Variants in NRXN3 observed in about 807,000 individuals in gnomAD.
The protein encoded by NRXN3 is neurexin III.
Under a neutral mutation model 137.6 loss-of-function variants are expected in NRXN3, and 32 were observed. The observed-to-expected ratio is 0.23, with a 90% CI of 0.18 to 0.31. The LOEUF (loss-of-function observed/expected upper bound fraction) is 0.31, where lower values mean the gene tolerates loss of function less well. Ranked by LOEUF, NRXN3 falls within the 10% of genes least tolerant of loss-of-function variation. The pLI is 1.00. For synonymous variants in NRXN3, 798 were observed against 784.5 expected, an observed-to-expected ratio of 1.02 and a Z score of -0.29; for missense variants, 1,574 against 2,062.5, an observed-to-expected ratio of 0.76 and a Z score of 4.59.
At chr14:78,504,748 C>T (rs1050875219) in intron 4 of NRXN3, among the ~76,000 whole-genome samples, 19 of 152,060 alleles carry the variant, frequency 1.2e-4, no homozygotes, top group African/African-American at 4.6e-4. Context: ...TTGCGAAGTT[C>T]CCACTATGTG....
At chr14:79,788,333 C>T (rs2140240750) in intron 19 of NRXN3, among the ~76,000 whole-genome samples, 1 of 152,304 alleles carries the variant, frequency 6.6e-6, no homozygotes, top group Non-Finnish European at 1.5e-5. Flanking sequence ...TATCACCCGT[C>T]TTACCCAATT....
chr14:79,018,221 C>T (rs1006607992), intron 15 of NRXN3, among the ~76,000 whole-genome samples: 11 of 126,090 alleles, frequency 8.7e-5, no homozygotes, highest in East Asian at 2.7e-4. Context: ...GATCATGCCA[C>T]GGCACTCCAG....
intron 4 of NRXN3, among the ~76,000 whole-genome samples, chr14:78,458,108 A>G (rs2094804014): frequency 6.6e-6 from 1 of 152,198 alleles, no homozygotes. Context: ...ACTATCCTGG[A>G]ATGTCTCTGG....
At chr14:79,499,013 C>G (rs1053438435) in intron 16 of NRXN3, among the ~76,000 whole-genome samples, 1 of 152,158 alleles carries the variant, frequency 6.6e-6, no homozygotes, top group Non-Finnish European at 1.5e-5. Flanking sequence ...TTGAATTCCT[C>G]TTTCTAGTTT....
At chr14:78,624,770 C>A (rs142225743) in intron 4 of NRXN3, among the ~76,000 whole-genome samples, 114 of 152,162 alleles carry the variant, frequency 7.5e-4, no homozygotes, top group Admixed American at 2.8e-3. Flanking sequence ...GCTTTGTAAC[C>A]CAGTCCCACG....
intron 19 of NRXN3, among the ~76,000 whole-genome samples, chr14:79,791,838 T>G (rs12431745): frequency 0.26 from 40,116 of 152,030 alleles, 5,885 homozygotes; most frequent in Admixed American, 0.37. Flanking sequence ...CATGGCCACT[T>G]TTAGTTGCAA....
intron 15 of NRXN3, among the ~76,000 whole-genome samples, chr14:79,260,219 T>C (rs910635049): frequency 6.6e-6 from 1 of 152,164 alleles, no homozygotes; most frequent in African/African-American, 2.4e-5. Flanking sequence ...TTAAAACATA[T>C]CCATATCTAT....
chr14:78,191,685 G>A (rs565109140), intron 1 of NRXN3, among the ~76,000 whole-genome samples: 39 of 152,288 alleles, frequency 2.6e-4, no homozygotes, highest in African/African-American at 9.1e-4. Flanking sequence ...GATGGAGGTG[G>A]GAATGTGGGA....
chr14:79,623,808 T>G lies in NRXN3; in HGVS notation c.3445-39970T>G, dbSNP rs553273169. On this transcript the variant is annotated intron_variant, in intron 16 of 20. Transcript: ENST00000335750. ...ACTTAGAATTTACATTTTTTTAATA[T>G]TCTAGAAACCATGAAAGAAATCACT... is the stretch of plus-strand genomic sequence containing the variant. Among the ~76,000 whole-genome samples, 10 of 151,588 alleles carry G rather than the reference T, an allele frequency of 6.6e-5. No individual in the cohort carries two copies. In the East Asian group the frequency reaches 1.4e-3, roughly 21 times the overall value.
At chr14:78,973,731 C>G (rs1001650801) in intron 14 of NRXN3, among the ~76,000 whole-genome samples, 2 of 152,102 alleles carry the variant, frequency 1.3e-5, no homozygotes, top group African/African-American at 4.8e-5. Flanking sequence ...GCTGCTATGT[C>G]TCAGAATAAC....
intron 15 of NRXN3, among the ~76,000 whole-genome samples, chr14:79,358,553 C>G (rs1312137683): frequency 4.8e-4 from 49 of 101,102 alleles, no homozygotes; most frequent in Non-Finnish European, 3.6e-4. Flanking sequence ...CAGCCTGACT[C>G]TGTCTCAAAA....
intron 15 of NRXN3, among the ~76,000 whole-genome samples, chr14:79,080,944 T>G (rs956030246): frequency 1.3e-5 from 2 of 152,194 alleles, no homozygotes; most frequent in African/African-American, 4.8e-5. Context: ...TGGTTTATCT[T>G]CTTATCCCTC....
chr14:78,302,707 A>G (rs913786219), intron 4 of NRXN3, among the ~76,000 whole-genome samples: 2 of 152,180 alleles, frequency 1.3e-5, no homozygotes, highest in African/African-American at 4.8e-5. Context: ...GCTTCCCTTT[A>G]TGATGTCTCC....
At chr14:79,037,035 A>G (rs1162028241) in intron 15 of NRXN3, among the ~76,000 whole-genome samples, 4 of 152,094 alleles carry the variant, frequency 2.6e-5, no homozygotes, top group African/African-American at 9.7e-5. Flanking sequence ...TTCTTGTTAA[A>G]TGGGACCATA....
intron 15 of NRXN3, among the ~76,000 whole-genome samples, chr14:79,282,493 GTCTCTCTC>G (rs535502639): frequency 2.7e-5 from 4 of 148,574 alleles, no homozygotes; most frequent in East Asian, 2.0e-4. Context: ...GTCAGAGTCA[GTCTCTCTC>G]TCTCTCTCTC....
rs963680412 is a variant in NRXN3 at position 79,551,052 on chromosome 14, G to A, written c.3444+83650G>A. On this transcript the variant is annotated intron_variant, in intron 16 of 20. Coordinates refer to ENST00000335750, the MANE Select transcript of NRXN3 (RefSeq NM_001330195.2). ...AGCTAAGGCATTTATCAACTGGGTC[G>A]GCCTTGAAGAAGCCGCTTGCATTCT... 4.6e-5 allele frequency among the ~76,000 whole-genome samples: 7 copies of A among 152,238 alleles called. No homozygotes were observed. The South Asian group carries it at 6.2e-4, about 14-fold the overall frequency.
intron 16 of NRXN3, among the ~76,000 whole-genome samples, chr14:79,497,963 T>C (rs1254094953): frequency 6.6e-6 from 1 of 152,020 alleles, no homozygotes; most frequent in East Asian, 1.9e-4. Context: ...GAACCCAGGA[T>C]GCAGAGGTTG....
intron 4 of NRXN3, among the ~76,000 whole-genome samples, chr14:78,464,005 A>G (rs758452990): frequency 6.0e-5 from 9 of 151,236 alleles, no homozygotes; most frequent in Non-Finnish European, 1.2e-4. Context: ...CTATTTATAT[A>G]TTTTTTAAAC....
At chr14:79,793,550 C>T (rs1051505346) in intron 19 of NRXN3, among the ~76,000 whole-genome samples, 7 of 152,330 alleles carry the variant, frequency 4.6e-5, no homozygotes, top group African/African-American at 1.7e-4. Context: ...CTCCTTTGGC[C>T]TGTTCAAAAT....
Sources: allele counts gnomAD v4.1 joint callset (sites outside exome capture counted in the v4.1 genomes callset), GRCh38; gene constraint gnomAD v4.1.1; transcripts MANE v1.5; gene names NCBI Gene and HGNC (gene_info 2026-07-23, HGNC 2026-07-21).